DOCK4: variants seen among roughly 807,000 people sequenced by gnomAD.
DOCK4 encodes the protein dedicator of cytokinesis 4.
Under a neutral mutation model 268.1 loss-of-function variants are expected in DOCK4, and 97 were observed. The observed-to-expected ratio is 0.36, with a 90% CI of 0.31 to 0.43. The LOEUF (loss-of-function observed/expected upper bound fraction) is 0.43, where lower values mean the gene tolerates loss of function less well. DOCK4 is among the 20% of genes least tolerant of loss of function. DOCK4 has a pLI of 1.00. For missense variants in DOCK4, 2,145 were observed against 2,455.7 expected (o/e 0.87, Z 2.67); for synonymous variants, 954 against 887.2 (o/e 1.08, Z -1.34).
chr7:111,896,952 C>G (rs1253051728), intron 15 of DOCK4, among the ~76,000 whole-genome samples: 1 of 152,108 alleles, frequency 6.6e-6, no homozygotes, highest in Non-Finnish European at 1.5e-5. Context: ...AAGCAAAAAT[C>G]ACACCAAAGA....
intron 35 of DOCK4, among the ~76,000 whole-genome samples, chr7:111,781,979 G>A (rs781597743): frequency 2.0e-5 from 3 of 152,170 alleles, no homozygotes; most frequent in Non-Finnish European, 2.9e-5. Context: ...AATAGATGGC[G>A]AGGATTCATT....
At chr7:112,025,050 A>C (rs1042287614) in intron 1 of DOCK4, among the ~76,000 whole-genome samples, 6 of 152,226 alleles carry the variant, frequency 3.9e-5, no homozygotes, top group African/African-American at 1.4e-4. Flanking sequence ...GTCATTGAGA[A>C]AGCACTAATC....
intron 30 of DOCK4, among the ~76,000 whole-genome samples, chr7:111,794,895 A>G (rs907321311): frequency 7.9e-5 from 12 of 152,248 alleles, no homozygotes; most frequent in African/African-American, 2.7e-4. Flanking sequence ...CCTGATTACA[A>G]TGAATTACAA....
rs1355856524 is a variant in DOCK4, at chr7:111,791,101, A to ATAT, written c.3167-497_3167-496insATA. On this transcript the variant is annotated intron_variant, in intron 30 of 52. Transcript: ENST00000428084. ...ATATATATATATATATATATATATA[A>ATAT]AATAAATCATCAGGAATTGGTTATG... 5.9e-3 allele frequency among the ~76,000 whole-genome samples: 678 copies of ATAT among 115,780 alleles called. 24 individuals are homozygous for ATAT. Among genetic ancestry groups the ATAT allele is most frequent in the African/African-American group, 0.027 (616 of 23,106 alleles). 76.0% of individuals were successfully genotyped at this position (115,780 alleles called of 152,430 possible).
At chr7:112,040,399 G>A (rs1035444279) in intron 1 of DOCK4, among the ~76,000 whole-genome samples, 1 of 152,162 alleles carries the variant, frequency 6.6e-6, no homozygotes, top group African/African-American at 2.4e-5. Flanking sequence ...GCATTAACAA[G>A]GATGTTGTAG....
chr7:111,791,083 T>C (rs1289022013), intron 30 of DOCK4, among the ~76,000 whole-genome samples: 3 of 139,440 alleles, frequency 2.2e-5, no homozygotes, highest in Non-Finnish European at 4.6e-5. Context: ...TATATATATA[T>C]ATATATATAT....
chr7:111,965,044 T>C (rs1797273073), intron 8 of DOCK4, among the ~76,000 whole-genome samples: 1 of 62,868 alleles, frequency 1.6e-5, no homozygotes, highest in Non-Finnish European at 2.6e-5. Flanking sequence ...CTAAAAGAGC[T>C]CCTGAAGGAA....
chr7:111,851,803 T>A (rs914370892), intron 23 of DOCK4, among the ~76,000 whole-genome samples: 3 of 152,130 alleles, frequency 2.0e-5, no homozygotes, highest in African/African-American at 7.2e-5. Flanking sequence ...TGGAATGCAA[T>A]GAGTGCTATG....
At chr7:111,765,367 C>A in intron 38 of DOCK4, 145 bp from the exon 39 acceptor site, 1 of 633,006 alleles carries the variant, frequency 1.6e-6, no homozygotes, top group Non-Finnish European at 2.7e-6. Flanking sequence ...CTTTTTGATG[C>A]TTTAAGTCGG....
intron 30 of DOCK4, among the ~76,000 whole-genome samples, chr7:111,800,459 T>C (rs1800191155): frequency 6.6e-6 from 1 of 152,094 alleles, no homozygotes; most frequent in Admixed American, 6.6e-5. Flanking sequence ...AAGGGGGAAA[T>C]ATATGCTTTT....
In DOCK4 at chr7:111,762,762, C is replaced by CTTTTTTTTTTTTTTTTTTTTTTTTT. The variant is rs869052136; in HGVS notation, c.4020+2355_4020+2356insAAAAAAAAAAAAAAAAAAAAAAAAA. Among the ~76,000 whole-genome samples the CTTTTTTTTTTTTTTTTTTTTTTTTT allele has an allele frequency of 1.8e-3, 111 of 63,058 alleles. 20 individuals are homozygous for CTTTTTTTTTTTTTTTTTTTTTTTTT. Among genetic ancestry groups the CTTTTTTTTTTTTTTTTTTTTTTTTT allele is most frequent in the South Asian group, 3.5e-3 (4 of 1,132 alleles). The allele number at this position is 63,058 out of a possible 152,430, so 41.4% of individuals were successfully genotyped here. On this transcript the variant is annotated intron_variant, in intron 39 of 52. Transcript: ENST00000428084. ...TAAATAACCCATTTTGTTTTGTTTT[C>CTTTTTTTTTTTTTTTTTTTTTTTTT]TTTTTTTTTTTTTTTTTTTTTTTTG...
At chr7:111,916,210 C>T (rs780582621) in intron 12 of DOCK4, among the ~76,000 whole-genome samples, 7 of 152,116 alleles carry the variant, frequency 4.6e-5, no homozygotes, top group Middle Eastern at 3.4e-3. Flanking sequence ...CACGTTCCTG[C>T]GCCAACACTT....
At chr7:111,949,660 C>T (rs973891567) in intron 8 of DOCK4, among the ~76,000 whole-genome samples, 1 of 151,558 alleles carries the variant, frequency 6.6e-6, no homozygotes, top group Non-Finnish European at 1.5e-5. Context: ...AAAAGGAAAA[C>T]ATCTATGGCC....
chr7:111,888,825 T>C (rs1808055372), intron 16 of DOCK4, among the ~76,000 whole-genome samples: 1 of 152,152 alleles, frequency 6.6e-6, no homozygotes, highest in Admixed American at 6.5e-5. Flanking sequence ...ATGAGCCTTA[T>C]AGAGGATAGG....
chr7:112,119,084 C>CAT (rs1428119086), intron 1 of DOCK4, among the ~76,000 whole-genome samples: 2 of 152,118 alleles, frequency 1.3e-5, no homozygotes, highest in Non-Finnish European at 2.9e-5. Flanking sequence ...TAAAAACACC[C>CAT]ATAGACAATG....
At chr7:111,865,439 C>T (rs767803810) in intron 22 of DOCK4, among the ~76,000 whole-genome samples, 1 of 152,188 alleles carries the variant, frequency 6.6e-6, no homozygotes, top group Non-Finnish European at 1.5e-5. Context: ...TTGTAGCCCA[C>T]ATGGAAAAAA....
At chr7:111,823,451 G>A (rs890216841) in intron 26 of DOCK4, among the ~76,000 whole-genome samples, 1 of 151,830 alleles carries the variant, frequency 6.6e-6, no homozygotes, top group African/African-American at 2.4e-5. Context: ...CAGGTGATCC[G>A]CCCACCTCGG....
intron 12 of DOCK4, among the ~76,000 whole-genome samples, chr7:111,933,119 C>CAT (rs773827905): frequency 9.4e-6 from 1 of 106,682 alleles, no homozygotes; most frequent in African/African-American, 3.7e-5. Flanking sequence ...CGTATATACA[C>CAT]ATATATATAC....
intron 1 of DOCK4, among the ~76,000 whole-genome samples, chr7:112,010,228 A>T (rs1475150803): frequency 6.6e-6 from 1 of 152,232 alleles, no homozygotes; most frequent in Non-Finnish European, 1.5e-5. Flanking sequence ...CTGTAGGGAA[A>T]GATAAAATAT....
Sources: allele counts gnomAD v4.1 joint callset (sites outside exome capture counted in the v4.1 genomes callset), GRCh38; gene constraint gnomAD v4.1.1; transcripts MANE v1.5; gene names NCBI Gene and HGNC (gene_info 2026-07-23, HGNC 2026-07-21).